Variants in POLN observed in about 807,000 individuals in gnomAD.
The protein encoded by POLN is DNA polymerase N.
In POLN, 108 loss-of-function variants were observed where a neutral mutation model predicts 113.5. The observed-to-expected ratio is 0.95, with a 90% confidence interval of 0.81 to 1.12. The LOEUF (loss-of-function observed/expected upper bound fraction) is 1.12, where lower values mean the gene tolerates loss of function less well. Among genes scored for constraint, POLN ranks in the 50% most tolerant of loss-of-function variants. The pLI is 0.00. For missense variants in POLN, 1,097 were observed against 1,077.1 expected, an observed-to-expected ratio of 1.02 and a Z score of -0.26; for synonymous variants, 386 against 391.5, an observed-to-expected ratio of 0.99 and a Z score of 0.17.
At chr4:2,208,571 G>T in intron 4 of POLN, 84 bp from the exon 5 acceptor site, 1 of 1,173,222 alleles carries the variant, frequency 8.5e-7, no homozygotes, top group Non-Finnish European at 1.2e-6. Flanking sequence ...GTAAAAACTT[G>T]TCTAAGGTAA....
At chr4:2,215,318 G>A (rs928854832) in intron 3 of POLN, among the ~76,000 whole-genome samples, 1 of 152,042 alleles carries the variant, frequency 6.6e-6, no homozygotes, top group African/African-American at 2.4e-5. Context: ...AAATCTCCCC[G>A]CTTATGCACA....
chr4:2,176,457 A>G (rs1464579964), intron 8 of POLN, 123 bp from the exon 9 acceptor site: 2 of 703,132 alleles, frequency 2.8e-6, no homozygotes, highest in Non-Finnish European at 4.6e-6. Flanking sequence ...TTTCAATGGC[A>G]GATGTCATGT....
chr4:2,207,955 G>T, intron 5 of POLN, 32 bp downstream of exon 5: 2 of 1,549,636 alleles, frequency 1.3e-6, no homozygotes, highest in East Asian at 2.3e-5. Context: ...ATGGTGTCAA[G>T]ACAGCAAATA....
intron 25 of POLN, among the ~76,000 whole-genome samples, chr4:2,072,522 T>G (rs1395906720): frequency 6.6e-6 from 1 of 152,330 alleles, no homozygotes; most frequent in East Asian, 1.9e-4. Context: ...CACCTCGATC[T>G]TGGCGGAGGT....
intron 19 of POLN, among the ~76,000 whole-genome samples, chr4:2,102,053 G>A (rs1205362993): frequency 6.6e-6 from 1 of 152,128 alleles, no homozygotes; most frequent in Admixed American, 6.5e-5. Context: ...TGTGATCACT[G>A]GAACAGGCCC....
Position 2,199,545 on chromosome 4 carries a change from T to TA in POLN, c.715-829dup, listed in dbSNP as rs1733660920. The stretch of plus-strand genomic sequence containing the variant: ...TGACAGCAGATTTCTTTGTGGGAAA[T>TA]AAAGCAACTCAGAAGATGGTATATA... On this transcript the variant is annotated intron_variant, in intron 5 of 25. Coordinates refer to ENST00000511885, the MANE Select transcript of POLN (RefSeq NM_181808.4). Among the ~76,000 whole-genome samples the TA allele has an allele frequency of 2.0e-5, 3 of 152,080 alleles. No homozygotes were observed. In the South Asian group the frequency reaches 6.2e-4, roughly 32 times the overall value.
intron 19 of POLN, among the ~76,000 whole-genome samples, chr4:2,102,638 G>C (rs533754815): frequency 1.3e-5 from 2 of 152,302 alleles, no homozygotes; most frequent in South Asian, 4.1e-4. Context: ...CAATACAGGT[G>C]CCAGCATATG....
At chr4:2,144,432 C>T (rs1001106050) in intron 16 of POLN, among the ~76,000 whole-genome samples, 3 of 151,942 alleles carry the variant, frequency 2.0e-5, no homozygotes, top group Admixed American at 1.3e-4. Flanking sequence ...TGTGAGCCAC[C>T]GCCCCTGGTC....
intron 13 of POLN, among the ~76,000 whole-genome samples, chr4:2,169,532 C>T (rs571275451): frequency 6.6e-6 from 1 of 152,334 alleles, no homozygotes; most frequent in African/African-American, 2.4e-5. Context: ...GCTTTTACGT[C>T]TGGCACGGTC....
chr4:2,232,838 T>G (rs1734632662), intron 2 of POLN, among the ~76,000 whole-genome samples: 1 of 152,182 alleles, frequency 6.6e-6, no homozygotes, highest in South Asian at 2.1e-4. Context: ...GCATTCTACT[T>G]ATAAATTTTA....
chr4:2,079,374 G>A lies in POLN; in HGVS notation c.2387+1584C>T, dbSNP rs575311914. 93 of 933,322 alleles carry A rather than the reference G, an allele frequency of 1.0e-4. 1 individual carries two copies. In the South Asian group the frequency reaches 2.6e-3, roughly 26 times the overall value. 57.8% of individuals were successfully genotyped at this position (933,322 alleles called of 1,614,324 possible). Reference sequence around the variant, plus strand: ...ACCTGCAGAAACTGTGGAAGTGAGCGGGATGCATGGATTTCAGGACACCAT... The same window carrying A: ...ACCTGCAGAAACTGTGGAAGTGAGCAGGATGCATGGATTTCAGGACACCAT... On this transcript the variant is annotated intron_variant, in intron 23 of 25. Coordinates refer to ENST00000511885, the MANE Select transcript of POLN (RefSeq NM_181808.4).
chr4:2,138,818 C>T (rs898136325), intron 16 of POLN, among the ~76,000 whole-genome samples: 10 of 151,658 alleles, frequency 6.6e-5, no homozygotes, highest in East Asian at 3.9e-4. Context: ...ACTCTGAACC[C>T]GGGAGGCAGA....
chr4:2,227,126 G>T (rs1366206246), intron 3 of POLN, among the ~76,000 whole-genome samples: 1 of 152,166 alleles, frequency 6.6e-6, no homozygotes, highest in South Asian at 2.1e-4. Flanking sequence ...CACACCAAAG[G>T]CAGCAGCATG....
At position 2,081,640 on chromosome 4, in the gene POLN, C is replaced by T. The variant is rs1206164910; in HGVS notation, c.2301G>A (p.Val767=). ...GTAAGAGGCTTCTGGTACCTTGCAC[C>T]ACGAAGTTCACTGCCTGTCGCTCTG... The part of the protein sequence containing the change: ...AQAERQAVNF[V]VQGSAADLCK... Residue 767 remains valine, a synonymous_variant, in exon 22 of 26, where the codon GTG becomes GTA. Coordinates refer to ENST00000511885, the MANE Select transcript of POLN (RefSeq NM_181808.4). 3 of 1,614,186 alleles carry T rather than the reference C, an allele frequency of 1.9e-6. No individual in the cohort carries two copies. Among genetic ancestry groups the T allele is most frequent in the African/African-American group, 1.3e-5 (1 of 75,052 alleles).
At chr4:2,220,822 C>A (rs11946464) in intron 3 of POLN, among the ~76,000 whole-genome samples, 12,583 of 151,744 alleles carry the variant, frequency 0.083, 779 homozygotes, top group African/African-American at 0.16. Context: ...AGGAGGGGGC[C>A]GCAAAAAAGA....
intron 2 of POLN, chr4:2,240,222 T>C (rs780105566): frequency 4.3e-6 from 7 of 1,613,852 alleles, no homozygotes; most frequent in Non-Finnish European, 5.9e-6. Flanking sequence ...TGTCTGTATA[T>C]CTAAAAGTTG....
chr4:2,077,692 C>G (rs914353922), intron 23 of POLN, among the ~76,000 whole-genome samples: 1 of 152,254 alleles, frequency 6.6e-6, no homozygotes, highest in Admixed American at 6.5e-5. Flanking sequence ...GCAGTTTTCA[C>G]ACTTCTTGAA....
chr4:2,117,724 C>A (rs1198869190), intron 19 of POLN, among the ~76,000 whole-genome samples: 2 of 152,238 alleles, frequency 1.3e-5, no homozygotes, highest in African/African-American at 4.8e-5. Context: ...TAGGCTTGGG[C>A]AAAGGTCCTG....
At chr4:2,111,229 G>A (rs1222408995) in intron 19 of POLN, among the ~76,000 whole-genome samples, 1 of 152,098 alleles carries the variant, frequency 6.6e-6, no homozygotes, top group African/African-American at 2.4e-5. Context: ...AGGTATTGAT[G>A]GGACGTATCT....
Sources: allele counts gnomAD v4.1 joint callset (sites outside exome capture counted in the v4.1 genomes callset), GRCh38; gene constraint gnomAD v4.1.1; transcripts MANE v1.5; gene names NCBI Gene and HGNC (gene_info 2026-07-23, HGNC 2026-07-21).